The following SPDYE18 variants were observed in gnomAD, a reference collection of about 807,000 sequenced individuals.
The protein encoded by SPDYE18 is speedy protein E18.
A neutral mutation model predicts 44.9 loss-of-function variants in SPDYE18; 6 were observed. That is an observed-to-expected ratio of 0.13 (90% confidence interval 0.07 to 0.26). The LOEUF (loss-of-function observed/expected upper bound fraction) is 0.26. SPDYE18 is among the 10% of genes least tolerant of loss of function. The pLI, the probability that SPDYE18 is intolerant of heterozygous loss-of-function variation, is 1.00. For synonymous variants in SPDYE18, 35 were observed against 177.1 expected, an observed-to-expected ratio of 0.20 and a Z score of 6.37; for missense variants, 121 against 463.2, an observed-to-expected ratio of 0.26 and a Z score of 6.78.
chr7:77,058,989 C>T (rs931533375), intron 3 of SPDYE18, among the ~76,000 whole-genome samples, 191 bp downstream of exon 3: 1 of 152,020 alleles, frequency 6.6e-6, no homozygotes, highest in Non-Finnish European at 1.5e-5. Flanking sequence ...CAAGCGCCAA[C>T]CTTTATCAAG....
chr7:77,060,312 A>C (rs1790000819), intron 2 of SPDYE18, 41 bp downstream of exon 2: 1 of 1,534,714 alleles, frequency 6.5e-7, no homozygotes, highest in East Asian at 2.4e-5. Context: ...CCTTCGTCTT[A>C]GTCAACCCTA....
At chr7:77,057,460 T>C (rs565089505) in intron 4 of SPDYE18, among the ~76,000 whole-genome samples, 177 bp downstream of exon 4, 15 of 151,306 alleles carry the variant, frequency 9.9e-5, no homozygotes, top group Non-Finnish European at 2.2e-4. Context: ...TTTATCAAGT[T>C]GACCTAATCC....
At chr7:77,060,239 C>G in intron 2 of SPDYE18, 114 bp downstream of exon 2, 1 of 1,488,648 alleles carries the variant, frequency 6.7e-7, no homozygotes, top group Non-Finnish European at 8.9e-7. Context: ...TCAGGTGATT[C>G]GCCCGCCTCG....
At chr7:77,060,023 C>T (rs1160318919) in intron 2 of SPDYE18, among the ~76,000 whole-genome samples, 3 of 98,958 alleles carry the variant, frequency 3.0e-5, no homozygotes, top group Non-Finnish European at 6.7e-5. Flanking sequence ...TTTCTTTTTT[C>T]TTTTCTTTTT....
At chr7:77,058,115 T>C (rs56033377) in intron 3 of SPDYE18, among the ~76,000 whole-genome samples, 23 of 77,730 alleles carry the variant, frequency 3.0e-4, no homozygotes, top group East Asian at 1.3e-3. Flanking sequence ...TCTCTGAGTC[T>C]CTTTTTTTTT....
In SPDYE18 at chr7:77,058,479, A is replaced by G. The variant is rs1425601922; in HGVS notation, c.380-612T>C. Among the ~76,000 whole-genome samples the G allele has an allele frequency of 7.6e-3, 738 of 97,482 alleles. 1 individual carries two copies. The highest frequency in any genetic ancestry group is 0.021 in the Admixed American group (183 of 8,918). The allele number at this position is 97,482 out of a possible 152,430, so 64.0% of individuals were successfully genotyped here. ...CACCCTCCTCACGTGCTCCTTCCTG[A>G]CTTCTGGGCCCTTCCTTCCTTCTTT... On this transcript the variant is annotated intron_variant, in intron 3 of 8. Transcript: ENST00000510091.
At position 77,052,968 on chromosome 7, in the gene SPDYE18, ACTC is replaced by A; in HGVS notation, c.988_990del (p.Glu330del). On this transcript the variant is annotated inframe_deletion, in exon 7 of 9. Coordinates refer to ENST00000510091, the MANE Select transcript of SPDYE18 (RefSeq NM_001394953.1). ...CCCCAGGCCCCACTCACCTCCTCCAACTCCTCCCGGGAAACCCAAGCCCTGCCG... is the reference window on the plus strand; with the variant it reads ...CCCCAGGCCCCACTCACCTCCTCCAACTCCCGGGAAACCCAAGCCCTGCCG... 3.1e-6 allele frequency: 5 copies of A among 1,611,202 alleles called. No individual in the cohort carries two copies. Among genetic ancestry groups the A allele is most frequent in the Non-Finnish European group, 4.2e-6 (5 of 1,178,698 alleles).
In SPDYE18 at chr7:77,051,169, T is replaced by C. The variant is rs1481245228; in HGVS notation, c.*756A>G. On this transcript the variant is annotated 3_prime_UTR_variant, in exon 9 of 9. Coordinates refer to ENST00000510091, the MANE Select transcript of SPDYE18 (RefSeq NM_001394953.1). ...TAAATAGAAGAGATTTTTATGGAAG[T>C]ATCATAGATAAAAAGAGTGCTCGCT... Among the ~76,000 whole-genome samples the C allele has an allele frequency of 2.6e-5, 4 of 152,226 alleles. No individual in the cohort carries two copies. In the East Asian group the frequency reaches 7.7e-4, roughly 29 times the overall value.
At chr7:77,055,004 G>T (rs1159131736) in intron 6 of SPDYE18, among the ~76,000 whole-genome samples, 13 of 152,250 alleles carry the variant, frequency 8.5e-5, no homozygotes, top group African/African-American at 3.1e-4. Flanking sequence ...CTGACCTCAG[G>T]TGATCTGCCT....
chr7:77,058,532 C>T (rs1230222397), intron 3 of SPDYE18, among the ~76,000 whole-genome samples: 6 of 128,564 alleles, frequency 4.7e-5, no homozygotes, highest in African/African-American at 5.6e-5. Context: ...TTTGAGACAG[C>T]GTCTCACTCT....
At position 77,060,403 on chromosome 7, in the gene SPDYE18, G is replaced by A. The variant is rs1194080234; in HGVS notation, c.110C>T (p.Ser37Leu). ...CACCACCTCCTGGAGGGGGTACCCC[G>A]AGGTGCTCCGCTGGAGACTCTGCTC... The part of the protein sequence containing the change: ...QNEQSLQRST[S>L]GYPLQEVVDD... Residue 37 changes from serine to leucine, a missense_variant, in exon 2 of 9, where the codon TCG becomes TTG. Transcript: ENST00000510091. 1.2e-5 allele frequency: 18 copies of A among 1,535,392 alleles called. No homozygotes were observed. Among genetic ancestry groups the A allele is most frequent in the East Asian group, 9.8e-5 (4 of 40,920 alleles).
At chr7:77,057,043 C>G (rs867183380) in intron 4 of SPDYE18, among the ~76,000 whole-genome samples, 14,651 of 150,618 alleles carry the variant, frequency 0.097, 544 homozygotes, top group Non-Finnish European at 0.14. Flanking sequence ...CAGCTGAAAC[C>G]ACTTTCTTTG....
At chr7:77,059,701 G>C (rs1278117670) in intron 2 of SPDYE18, among the ~76,000 whole-genome samples, 1 of 150,356 alleles carries the variant, frequency 6.7e-6, no homozygotes, top group Non-Finnish European at 1.5e-5. Flanking sequence ...CCAGGCTGGA[G>C]TGTAGTGGTG....
chr7:77,051,757 A>G lies in SPDYE18; in HGVS notation c.*168T>C, dbSNP rs865967380. Among the ~76,000 whole-genome samples the G allele has an allele frequency of 1.3e-4, 20 of 148,446 alleles. No individual in the cohort carries two copies. The highest frequency in any genetic ancestry group is 3.2e-4 in the African/African-American group (13 of 40,678). On this transcript the variant is annotated 3_prime_UTR_variant, in exon 9 of 9. Coordinates refer to ENST00000510091, the MANE Select transcript of SPDYE18 (RefSeq NM_001394953.1). ...GTGATCACTGTATTCAGCTCCATCA[A>G]GAATGGTCCAGGTTCTTCTAGATGA...
Position 77,051,337 on chromosome 7 carries a change from C to T in SPDYE18, c.*588G>A, listed in dbSNP as rs1356596745. Among the ~76,000 whole-genome samples the T allele has an allele frequency of 6.6e-6, 1 of 152,232 alleles. No individual in the cohort carries two copies. Among genetic ancestry groups the T allele is most frequent in the Non-Finnish European group, 1.5e-5 (1 of 68,042 alleles). On this transcript the variant is annotated 3_prime_UTR_variant, in exon 9 of 9. Transcript: ENST00000510091. Reference sequence around the variant, plus strand: ...AACTCTCATCAAAAAACTACAGGAACAGCATGTTTTCAAAAGTACAACAAT... The same window carrying T: ...AACTCTCATCAAAAAACTACAGGAATAGCATGTTTTCAAAAGTACAACAAT...
chr7:77,060,519 C>G lies in SPDYE18; in HGVS notation c.-7G>C. 6.5e-7 allele frequency: 1 copy of G among 1,535,112 alleles called. No individual in the cohort carries two copies. The highest frequency in any genetic ancestry group is 8.7e-7 in the Non-Finnish European group (1 of 1,146,760). On this transcript the variant is annotated 5_prime_UTR_variant, in exon 2 of 9. Transcript: ENST00000510091. ...TAGTCTTCGTTCTGTCCATGGCCTT[C>G]TTCTGGACACTGCTAGGATCCAGAA...
At chr7:77,056,189 TC>T (rs1241807653) in intron 5 of SPDYE18, among the ~76,000 whole-genome samples, 1 of 87,704 alleles carries the variant, frequency 1.1e-5, no homozygotes, top group Non-Finnish European at 2.4e-5. Flanking sequence ...GGCGGGTGGA[TC>T]GCCTGAGGTC....
intron 1 of SPDYE18, among the ~76,000 whole-genome samples, 83 bp from the exon 2 acceptor site, chr7:77,061,016 ACAAGAGTGAGATTATCACG>A (rs1790013571): frequency 1.0e-5 from 1 of 97,166 alleles, no homozygotes; most frequent in Non-Finnish European, 2.3e-5. Context: ...ATTATCATGT[ACAAGAGTGAGATTATCACG>A]TACAAGAGTG....
rs201284189 is a variant in SPDYE18 at position 77,060,376 on chromosome 7, T to C, written c.137A>G (p.Asp46Gly). ...ACCTGATGGTCCCAACACTTCATCA[T>C]CCACCACCTCCTGGAGGGGGTACCC... ...TSGYPLQEVV[D>G]DEVLGPSAPG... Residue 46 changes from aspartate (D) to glycine (G), a missense_variant, in exon 2 of 9, where the codon GAT becomes GGT. By Grantham distance (94) the Asp-to-Gly change is moderately conservative. Coordinates refer to ENST00000510091, the MANE Select transcript of SPDYE18 (RefSeq NM_001394953.1). 2.6e-6 allele frequency: 4 copies of C among 1,535,490 alleles called. No individual in the cohort carries two copies. The highest frequency in any genetic ancestry group is 3.5e-6 in the Non-Finnish European group (4 of 1,146,884).
Sources: allele counts gnomAD v4.1 joint callset (sites outside exome capture counted in the v4.1 genomes callset), GRCh38; gene constraint gnomAD v4.1.1; transcripts MANE v1.5; gene names NCBI Gene and HGNC (gene_info 2026-07-23, HGNC 2026-07-21).